The following MYO7A variants were observed in gnomAD, a reference collection of about 807,000 sequenced individuals.
MYO7A encodes the protein myosin VIIA.
A neutral mutation model predicts 263.8 loss-of-function variants in MYO7A; 210 were observed. That is an observed-to-expected ratio of 0.80 (90% CI 0.71 to 0.89). The LOEUF (loss-of-function observed/expected upper bound fraction) is 0.89. Among genes scored for constraint, MYO7A ranks in the 40% least tolerant of loss-of-function variants. MYO7A has a pLI of 0.00. For missense variants in MYO7A, 2,820 were observed against 2,968.3 expected (o/e 0.95, Z 1.16); for synonymous variants, 1,239 against 1,197.3 (o/e 1.03, Z -0.72).
At chr11:77,145,645 G>A (rs1951508099) in intron 3 of MYO7A, among the ~76,000 whole-genome samples, 1 of 152,194 alleles carries the variant, frequency 6.6e-6, no homozygotes, top group African/African-American at 2.4e-5. Context: ...TGGGAGAGAG[G>A]AATGTTCCAC....
intron 34 of MYO7A, 30 bp downstream of exon 34, chr11:77,198,651 G>C: frequency 3.7e-6 from 6 of 1,612,718 alleles, no homozygotes; most frequent in Non-Finnish European, 5.1e-6. Context: ...GATGCAGACA[G>C]ACAGAGGGGA....
intron 3 of MYO7A, among the ~76,000 whole-genome samples, chr11:77,146,103 G>A (rs1373487229): frequency 2.0e-5 from 3 of 152,230 alleles, no homozygotes; most frequent in African/African-American, 4.8e-5. Flanking sequence ...ACTGTCAGGG[G>A]AGGCTTCAGA....
intron 2 of MYO7A, among the ~76,000 whole-genome samples, chr11:77,130,889 A>C (rs1391818209): frequency 6.6e-6 from 1 of 152,170 alleles, no homozygotes; most frequent in Admixed American, 6.5e-5. Flanking sequence ...TTATTTACAC[A>C]CATCTCTGGA....
chr11:77,204,158 C>T lies in MYO7A; in HGVS notation c.5409C>T (p.Pro1803=), dbSNP rs1242179797. The change falls in exon 39 of 49, where the codon CCC becomes CCT. Residue 1803 remains proline, a synonymous_variant. Coordinates refer to ENST00000409709, the MANE Select transcript of MYO7A (RefSeq NM_000260.4). ...NELTDQIFEG[P]LKAEPLKDEA... ...TCACCGACCAGATCTTTGAGGGTCC[C>T]CTGAAAGCCGAGCCCCTGAAGGACG... is the stretch of plus-strand genomic sequence containing the variant. The T allele has an allele frequency of 6.3e-7, 1 of 1,594,064 alleles. No individual in the cohort carries two copies. Among genetic ancestry groups the T allele is most frequent in the Non-Finnish European group, 8.5e-7 (1 of 1,170,846 alleles).
chr11:77,147,667 TG>T, intron 3 of MYO7A, 130 bp from the exon 4 acceptor site: 1 of 1,175,790 alleles, frequency 8.5e-7, no homozygotes, highest in Non-Finnish European at 1.2e-6. Context: ...TGACAGTGTC[TG>T]GCTGCCAGAG....
chr11:77,165,931 C>T (rs111736917), intron 14 of MYO7A, 125 bp from the exon 15 acceptor site: 2 of 543,376 alleles, frequency 3.7e-6, no homozygotes, highest in Non-Finnish European at 3.1e-6. Context: ...GGCCTCAGGG[C>T]CCCCGTCATG....
intron 3 of MYO7A, among the ~76,000 whole-genome samples, chr11:77,144,588 C>G (rs1441192241): frequency 6.6e-6 from 1 of 152,114 alleles, no homozygotes; most frequent in Non-Finnish European, 1.5e-5. Context: ...CCTTCACAAG[C>G]CTTTCCCACC....
rs1953143651 is a variant in MYO7A at position 77,162,939 on chromosome 11, C to G, written c.1641C>G (p.Thr547=). ...NYIPPKNNHE[T]QFGINHFAGI... ...TCCCCCCCAAGAACAACCATGAGAC[C>G]CAGTTTGGCATCAACCATTTTGCAG... The change falls in exon 14 of 49, where the codon ACC becomes ACG. Residue 547 remains threonine, a synonymous_variant. Transcript: ENST00000409709. 1 of 1,613,724 alleles carries G rather than the reference C, an allele frequency of 6.2e-7. No homozygotes were observed. Among genetic ancestry groups the G allele is most frequent in the Non-Finnish European group, 8.5e-7 (1 of 1,179,862 alleles).
intron 16 of MYO7A, among the ~76,000 whole-genome samples, chr11:77,174,075 C>A (rs1383370757): frequency 6.6e-6 from 1 of 151,994 alleles, no homozygotes; most frequent in Non-Finnish European, 1.5e-5. Flanking sequence ...CAGACCTGGC[C>A]CAGTCTCTCC....
At chr11:77,161,293 C>T (rs1169323810) in intron 12 of MYO7A, among the ~76,000 whole-genome samples, 178 bp downstream of exon 12, 3 of 152,290 alleles carry the variant, frequency 2.0e-5, no homozygotes, top group African/African-American at 7.2e-5. Flanking sequence ...CTCACCTCCT[C>T]AAGGTCAGCT....
intron 16 of MYO7A, among the ~76,000 whole-genome samples, chr11:77,174,337 C>G (rs1239320779): frequency 6.6e-6 from 1 of 152,212 alleles, no homozygotes; most frequent in African/African-American, 2.4e-5. Context: ...ACCTGCACAG[C>G]CATAACTTGG....
chr11:77,202,594 G>A (rs1353256335), intron 37 of MYO7A, among the ~76,000 whole-genome samples, 170 bp downstream of exon 37: 2 of 152,124 alleles, frequency 1.3e-5, no homozygotes, highest in Non-Finnish European at 2.9e-5. Context: ...CGTCCTATGT[G>A]TCTCATCTTA....
rs1225442494 is a variant in MYO7A at position 77,142,831 on chromosome 11, T to A, written c.132+9T>A. On this transcript the variant is annotated intron_variant, in intron 3 of 48. Coordinates refer to ENST00000409709, the MANE Select transcript of MYO7A (RefSeq NM_000260.4). ...TGGATGATGAAGACAATGTGAGTAG[T>A]CCCCTCCCTCCTCCTGCCCCATGCC... 1.3e-6 allele frequency: 2 copies of A among 1,584,270 alleles called. No homozygotes were observed. Among genetic ancestry groups the A allele is most frequent in the South Asian group, 2.3e-5 (2 of 86,730 alleles).
In MYO7A at chr11:77,172,869, A is replaced by C. The variant is rs1555077323; in HGVS notation, c.1919A>C (p.Glu640Ala). The C allele has an allele frequency of 1.3e-6, 2 of 1,551,378 alleles. No homozygotes were observed. Among genetic ancestry groups the C allele is most frequent in the Admixed American group, 2.0e-5 (1 of 51,038 alleles). Reference protein sequence around the residue: ...PFFVRCIKPNEFKKPMLFDRH... With the variant: ...PFFVRCIKPNAFKKPMLFDRH... ...TTTGTGCGATGCATCAAGCCCAATG[A>C]GTTCAAGAAGCCCATGGTGAGTGGC... Residue 640 changes from glutamate to alanine, a missense_variant, in exon 16 of 49, where the codon GAG becomes GCG. Transcript: ENST00000409709.
chr11:77,190,738 C>A lies in MYO7A; in HGVS notation c.3792C>A (p.Phe1264Leu), dbSNP rs1200893521. The change falls in exon 30 of 49, where the codon TTC (phenylalanine) becomes TTA (leucine). Residue 1264 changes from phenylalanine to leucine, a missense_variant. Phe to Leu is a conservative substitution (Grantham distance 22). Coordinates refer to ENST00000409709, the MANE Select transcript of MYO7A (RefSeq NM_000260.4). ...SKKPIMLPVTFMDGTTKTLLT... is the reference protein window; with the variant it reads ...SKKPIMLPVTLMDGTTKTLLT... ...AGCCAATCATGTTGCCCGTGACATTCATGGATGGGACCACCAAGACCCTGC... is the reference window on the plus strand; with the variant it reads ...AGCCAATCATGTTGCCCGTGACATTAATGGATGGGACCACCAAGACCCTGC... 6.3e-7 allele frequency: 1 copy of A among 1,599,938 alleles called. No individual in the cohort carries two copies. The highest frequency in any genetic ancestry group is 8.5e-7 in the Non-Finnish European group (1 of 1,173,700).
chr11:77,157,072 C>CCTGCCCGTATTG (rs201549378), intron 7 of MYO7A, 68 bp downstream of exon 7: 9 of 1,569,172 alleles, frequency 5.7e-6, no homozygotes, highest in African/African-American at 4.1e-5. Context: ...GCGTGGCCCA[C>CCTGCCCGTATTG]CTGCCCGTAT....
At chr11:77,198,443 G>A in intron 33 of MYO7A, 52 bp from the exon 34 acceptor site, 2 of 1,602,544 alleles carry the variant, frequency 1.2e-6, no homozygotes, top group Non-Finnish European at 8.5e-7. Context: ...ATTGAGAAGG[G>A]CTGGGCCTGG....
chr11:77,172,653 C>T, intron 15 of MYO7A, 95 bp from the exon 16 acceptor site: 3 of 1,493,764 alleles, frequency 2.0e-6, no homozygotes, highest in East Asian at 2.5e-5. Context: ...AACCCTGACC[C>T]CGCTGACCTC....
chr11:77,198,654 A>C (rs1432319500), intron 34 of MYO7A, 33 bp downstream of exon 34: 1 of 1,612,502 alleles, frequency 6.2e-7, no homozygotes, highest in Non-Finnish European at 8.5e-7. Flanking sequence ...GCAGACAGAC[A>C]GAGGGGAAGG....
Sources: allele counts gnomAD v4.1 joint callset (sites outside exome capture counted in the v4.1 genomes callset), GRCh38; gene constraint gnomAD v4.1.1; transcripts MANE v1.5; gene names NCBI Gene and HGNC (gene_info 2026-07-23, HGNC 2026-07-21).